MACROD2: variants seen among roughly 807,000 people sequenced by gnomAD.
MACROD2 encodes the protein ADP-ribose glycohydrolase MACROD2.
Under a neutral mutation model 70.4 loss-of-function variants are expected in MACROD2, and 36 were observed. That is an observed-to-expected ratio of 0.51 (90% CI 0.39 to 0.68). The LOEUF is 0.68. MACROD2 is among the 30% of genes least tolerant of loss of function. The pLI is 0.00. For synonymous variants in MACROD2, 172 were observed against 178.8 expected (o/e 0.96, Z 0.30); for missense variants, 496 against 538.4 (o/e 0.92, Z 0.78).
intron 4 of MACROD2, among the ~76,000 whole-genome samples, chr20:14,514,724 C>T (rs534640115): frequency 4.6e-5 from 7 of 152,148 alleles, no homozygotes; most frequent in African/African-American, 7.2e-5. Flanking sequence ...TGTTGAATGG[C>T]GCCAATACCT....
At chr20:14,039,366 A>T (rs1415964485) in intron 2 of MACROD2, among the ~76,000 whole-genome samples, 1 of 152,186 alleles carries the variant, frequency 6.6e-6, no homozygotes, top group Non-Finnish European at 1.5e-5. Context: ...TGGTAAACAA[A>T]AACAAAACTT....
intron 5 of MACROD2, among the ~76,000 whole-genome samples, chr20:15,082,901 T>C (rs2123139302): frequency 6.6e-6 from 1 of 152,212 alleles, no homozygotes; most frequent in East Asian, 1.9e-4. Context: ...GTTTTTGTGG[T>C]TATAAGATTG....
intron 5 of MACROD2, among the ~76,000 whole-genome samples, chr20:14,911,710 A>G (rs2074029936): frequency 6.6e-6 from 1 of 151,960 alleles, no homozygotes; most frequent in East Asian, 1.9e-4. Context: ...CTTCTTGCTG[A>G]TAGAGATCAG....
chr20:14,285,145 G>C (rs550047186), intron 3 of MACROD2, among the ~76,000 whole-genome samples: 1 of 152,258 alleles, frequency 6.6e-6, no homozygotes, highest in South Asian at 2.1e-4. Flanking sequence ...TATCTGGAAT[G>C]CTTGGAACCA....
chr20:15,020,766 CAT>C (rs905702061), intron 5 of MACROD2, among the ~76,000 whole-genome samples: 8 of 151,902 alleles, frequency 5.3e-5, no homozygotes, highest in East Asian at 1.9e-4. Flanking sequence ...TGTATCTAAA[CAT>C]GTGTAAACCT....
intron 4 of MACROD2, among the ~76,000 whole-genome samples, chr20:14,511,607 A>G (rs1301414207): frequency 1.3e-5 from 2 of 152,104 alleles, no homozygotes; most frequent in African/African-American, 4.8e-5. Context: ...ATTTCTCCTC[A>G]TAAAATTTAA....
intron 6 of MACROD2, among the ~76,000 whole-genome samples, chr20:15,361,213 T>C (rs1320781234): frequency 6.6e-6 from 1 of 152,224 alleles, no homozygotes; most frequent in Non-Finnish European, 1.5e-5. Context: ...AAATCTACAA[T>C]CTATTTGAGT....
At chr20:15,899,581 A>G (rs977301103) in intron 10 of MACROD2, among the ~76,000 whole-genome samples, 16 of 152,386 alleles carry the variant, frequency 1.0e-4, no homozygotes, top group African/African-American at 3.8e-4. Context: ...GTTCAGTAGC[A>G]TGTTTCAAAC....
intron 5 of MACROD2, among the ~76,000 whole-genome samples, chr20:15,110,723 T>G (rs1314481565): frequency 6.6e-6 from 1 of 152,206 alleles, no homozygotes; most frequent in Non-Finnish European, 1.5e-5. Context: ...CGAGGGACTA[T>G]GCGTGTCTCT....
chr20:15,383,682 A>G (rs898512082), intron 6 of MACROD2, among the ~76,000 whole-genome samples: 1 of 152,182 alleles, frequency 6.6e-6, no homozygotes, highest in Non-Finnish European at 1.5e-5. Flanking sequence ...GATCTCCAGG[A>G]AAGCTTGTGT....
intron 9 of MACROD2, among the ~76,000 whole-genome samples, chr20:15,884,325 C>A (rs1016925721): frequency 6.6e-6 from 1 of 152,016 alleles, no homozygotes; most frequent in Non-Finnish European, 1.5e-5. Context: ...CTAGCAGGAC[C>A]AAGGCAGGTA....
intron 5 of MACROD2, among the ~76,000 whole-genome samples, chr20:15,099,598 C>T (rs946303488): frequency 3.3e-5 from 5 of 152,004 alleles, no homozygotes; most frequent in South Asian, 2.1e-4. Context: ...CAGCCTGAGC[C>T]GACTGAGACA....
chr20:15,067,952 A>G (rs1222248734), intron 5 of MACROD2, among the ~76,000 whole-genome samples: 1 of 152,230 alleles, frequency 6.6e-6, no homozygotes, highest in African/African-American at 2.4e-5. Context: ...TAAAACCAGT[A>G]GTGAAGCTTA....
intron 8 of MACROD2, among the ~76,000 whole-genome samples, chr20:15,834,059 GA>G (rs2064086233): frequency 2.0e-5 from 3 of 152,286 alleles, no homozygotes; most frequent in Admixed American, 2.0e-4. Flanking sequence ...CCAGCTCTTT[GA>G]ATACTGCAAT....
intron 2 of MACROD2, among the ~76,000 whole-genome samples, chr20:14,020,121 C>G (rs776298468): frequency 3.3e-5 from 5 of 152,194 alleles, no homozygotes; most frequent in African/African-American, 4.8e-5. Context: ...TTAATCTGCA[C>G]ATGCTCAGGC....
At chr20:15,995,292 C>G (rs1313481555) in intron 15 of MACROD2, among the ~76,000 whole-genome samples, 1 of 151,564 alleles carries the variant, frequency 6.6e-6, no homozygotes, top group Non-Finnish European at 1.5e-5. Context: ...CTGCTGGGCT[C>G]ATCCCAAGCA....
intron 8 of MACROD2, among the ~76,000 whole-genome samples, chr20:15,698,228 G>C (rs1411234587): frequency 3.3e-5 from 5 of 151,852 alleles, no homozygotes; most frequent in Non-Finnish European, 7.4e-5. Flanking sequence ...TTTGTTTCAA[G>C]ATCTAGAACT....
chr20:15,119,638 A>G (rs6074844), intron 5 of MACROD2, among the ~76,000 whole-genome samples: 50,024 of 152,168 alleles, frequency 0.33, 8,868 homozygotes, highest in African/African-American at 0.44. Flanking sequence ...CTTAGAACCC[A>G]TTCTACCCAT....
chr20:15,086,407 A>G (rs2075749082), intron 5 of MACROD2, among the ~76,000 whole-genome samples: 2 of 152,142 alleles, frequency 1.3e-5, no homozygotes, highest in Non-Finnish European at 2.9e-5. Context: ...AGTAGGGAAG[A>G]AGGAGGAATA....
Sources: allele counts gnomAD v4.1 joint callset (sites outside exome capture counted in the v4.1 genomes callset), GRCh38; gene constraint gnomAD v4.1.1; transcripts MANE v1.5; gene names NCBI Gene and HGNC (gene_info 2026-07-23, HGNC 2026-07-21).